Variants in ANKMY2 observed in about 807,000 individuals in gnomAD.
ANKMY2 encodes the protein ankyrin repeat and MYND domain-containing protein 2.
In ANKMY2, 36 loss-of-function variants were observed where a neutral mutation model predicts 50.4. The ratio of observed to expected loss-of-function variants is 0.71; its 90% CI spans 0.55 to 0.94. The LOEUF (loss-of-function observed/expected upper bound fraction) is 0.94. ANKMY2 is among the 40% of genes least tolerant of loss of function. ANKMY2 has a pLI of 0.00. For synonymous variants in ANKMY2, 187 were observed against 178.8 expected, an observed-to-expected ratio of 1.05 and a Z score of -0.36; for missense variants, 565 against 524.0, an observed-to-expected ratio of 1.08 and a Z score of -0.76.
chr7:16,636,702 A>G (rs989009598), intron 1 of ANKMY2, among the ~76,000 whole-genome samples: 2 of 152,202 alleles, frequency 1.3e-5, no homozygotes, highest in Non-Finnish European at 2.9e-5. Flanking sequence ...AAAGTATATT[A>G]CATTGGCCAC....
Position 16,602,389 on chromosome 7 carries a change from CTT to C in ANKMY2, c.1130_1131del (p.Gln377ArgfsTer8). 1 of 1,612,688 alleles carries C rather than the reference CTT, an allele frequency of 6.2e-7. No individual in the cohort carries two copies. The highest frequency in any genetic ancestry group is 8.5e-7 in the Non-Finnish European group (1 of 1,179,714). On this transcript the variant is annotated frameshift_variant, in exon 9 of 10. Coordinates refer to ENST00000306999, the MANE Select transcript of ANKMY2 (RefSeq NM_020319.3). LOFTEE classifies it high-confidence loss of function. ...GTTTTTATATACATACGGTTTTCCT[CTT>C]GTCTCTTTTCTTTGGCAGCCTCCAA... is the stretch of plus-strand genomic sequence containing the variant. ...QQLEAAKEKR[Q>X]EENHGKLDVN... is the part of the protein sequence containing the mutation.
At chr7:16,626,041 G>A (rs1781501983) in intron 3 of ANKMY2, among the ~76,000 whole-genome samples, 1 of 147,620 alleles carries the variant, frequency 6.8e-6, no homozygotes, top group African/African-American at 2.5e-5. Flanking sequence ...AAGTTCAGGG[G>A]CACGATCTCA....
chr7:16,632,298 G>A (rs1005186473), intron 2 of ANKMY2, among the ~76,000 whole-genome samples: 63 of 151,846 alleles, frequency 4.1e-4, no homozygotes, highest in Admixed American at 2.4e-3. Flanking sequence ...CAAATAAATC[G>A]GTTTATTATA....
At chr7:16,626,834 C>T (rs1329666198) in intron 3 of ANKMY2, among the ~76,000 whole-genome samples, 2 of 152,158 alleles carry the variant, frequency 1.3e-5, no homozygotes, top group Non-Finnish European at 2.9e-5. Flanking sequence ...ATCAATTGAT[C>T]TAAATAACAA....
At chr7:16,602,613 A>C in intron 8 of ANKMY2, 104 bp from the exon 9 acceptor site, 1 of 1,380,304 alleles carries the variant, frequency 7.2e-7, no homozygotes, top group Non-Finnish European at 9.8e-7. Context: ...CATTTTCCAT[A>C]CTTTATTTTA....
At chr7:16,603,699 A>C (rs1443972647) in intron 8 of ANKMY2, 1 of 471,152 alleles carries the variant, frequency 2.1e-6, no homozygotes, top group Non-Finnish European at 4.4e-6. Context: ...TGGGCCATGT[A>C]ATTTGTTTCA....
At chr7:16,631,754 A>G (rs918792609) in intron 2 of ANKMY2, among the ~76,000 whole-genome samples, 1 of 151,910 alleles carries the variant, frequency 6.6e-6, no homozygotes, top group African/African-American at 2.4e-5. Flanking sequence ...AGCTAGAACT[A>G]CAGGCGCCCG....
intron 2 of ANKMY2, among the ~76,000 whole-genome samples, chr7:16,628,776 A>G (rs1015330890): frequency 2.0e-5 from 3 of 152,238 alleles, no homozygotes; most frequent in African/African-American, 7.2e-5. Flanking sequence ...CCCCGACTTC[A>G]TCATGGAGTT....
intron 9 of ANKMY2, among the ~76,000 whole-genome samples, chr7:16,601,982 G>A (rs1242696747): frequency 6.6e-6 from 1 of 152,086 alleles, no homozygotes; most frequent in Non-Finnish European, 1.5e-5. Flanking sequence ...TTTAATTAAG[G>A]AATTTAAAGG....
chr7:16,636,302 CAAAAAAAAAAAAA>C (rs376207917), intron 2 of ANKMY2, 76 bp downstream of exon 2: 11 of 214,420 alleles, frequency 5.1e-5, no homozygotes, highest in East Asian at 2.5e-4. Flanking sequence ...CACTCCATCT[CAAAAAAAAAAAAA>C]AAAAAAAAAA....
intron 8 of ANKMY2, 22 bp from the exon 9 acceptor site, chr7:16,602,531 T>C (rs953465544): frequency 3.1e-6 from 5 of 1,605,038 alleles, no homozygotes; most frequent in Non-Finnish European, 4.2e-6. Flanking sequence ...TGTTGGTTTA[T>C]TTTCATTTCC....
rs76647442 is a variant in ANKMY2, at chr7:16,639,116, G to A, written c.68-2661C>T. On this transcript the variant is annotated intron_variant, in intron 1 of 9. Transcript: ENST00000306999. ...GAAAAACTGTGATGATTTCCAATTCGGTGTTCACAATGTAATGACATTAGT... is the reference window on the plus strand; with the variant it reads ...GAAAAACTGTGATGATTTCCAATTCAGTGTTCACAATGTAATGACATTAGT... Among the ~76,000 whole-genome samples, 1,441 of 152,264 alleles carry A rather than the reference G, an allele frequency of 9.5e-3. 74 individuals carry two copies. The East Asian group carries it at 0.13, about 14-fold the overall frequency.
chr7:16,627,705 G>A (rs913160038), intron 2 of ANKMY2, among the ~76,000 whole-genome samples: 4 of 151,884 alleles, frequency 2.6e-5, no homozygotes, highest in Admixed American at 2.6e-4. Flanking sequence ...ATATTACAGT[G>A]GTATCATTTT....
intron 1 of ANKMY2, among the ~76,000 whole-genome samples, chr7:16,638,756 G>A (rs1781704868): frequency 6.6e-6 from 1 of 152,094 alleles, no homozygotes; most frequent in South Asian, 2.1e-4. Context: ...CGCCTCATTA[G>A]AACAAAAGAC....
chr7:16,629,493 G>A (rs915964073), intron 2 of ANKMY2, among the ~76,000 whole-genome samples: 5 of 151,932 alleles, frequency 3.3e-5, no homozygotes, highest in African/African-American at 4.8e-5. Flanking sequence ...CCGAGATGGC[G>A]CCACTGCACT....
chr7:16,620,002 G>A (rs1367865537), intron 4 of ANKMY2, among the ~76,000 whole-genome samples: 1 of 152,200 alleles, frequency 6.6e-6, no homozygotes, highest in Non-Finnish European at 1.5e-5. Flanking sequence ...ATATGTCGGA[G>A]AGAAAAGAAC....
At chr7:16,611,552 G>A (rs535212063) in intron 5 of ANKMY2, among the ~76,000 whole-genome samples, 1 of 152,308 alleles carries the variant, frequency 6.6e-6, no homozygotes, top group South Asian at 2.1e-4. Flanking sequence ...TAACAGTAAT[G>A]TAAACATGAA....
At chr7:16,633,358 CTT>C (rs1281556318) in intron 2 of ANKMY2, among the ~76,000 whole-genome samples, 1 of 150,980 alleles carries the variant, frequency 6.6e-6, no homozygotes, top group Admixed American at 6.6e-5. Context: ...TATACTTACT[CTT>C]TTAATAATTT....
Position 16,615,809 on chromosome 7 carries a change from G to C in ANKMY2, c.466C>G (p.Leu156Val). The C allele has an allele frequency of 6.2e-7, 1 of 1,614,240 alleles. No homozygotes were observed. Among genetic ancestry groups the C allele is most frequent in the Non-Finnish European group, 8.5e-7 (1 of 1,180,048 alleles). ...AGCGGGCCTGCCAACTTTGGGGGCA[G>C]TTTTGGCTCTTTATCCAGTCCCTGG... is the stretch of plus-strand genomic sequence containing the variant. Reference protein sequence around the residue: ...KPQGLDKEPKLPPKLAGPLHK... With the variant: ...KPQGLDKEPKVPPKLAGPLHK... Residue 156 changes from leucine to valine, a missense_variant, in exon 5 of 10, where the codon CTG (leucine) becomes GTG (valine). Leu to Val is a conservative substitution (Grantham distance 32, BLOSUM62 1). Transcript: ENST00000306999.
Sources: gnomAD v4.1 joint callset for allele counts (sites outside exome capture counted in the v4.1 genomes callset) on GRCh38, gnomAD v4.1.1 for gene constraint, MANE v1.5 for transcripts, NCBI Gene and HGNC (gene_info 2026-07-23, HGNC 2026-07-21) for gene names.